Variants in ADAMTS3 observed in about 807,000 individuals in gnomAD.
ADAMTS3 encodes A disintegrin and metalloproteinase with thrombospondin motifs 3.
In ADAMTS3, 73 loss-of-function variants were observed where a neutral mutation model predicts 129.0. That is an observed-to-expected ratio of 0.57 (90% confidence interval 0.47 to 0.69). ADAMTS3 has a LOEUF of 0.69. Among genes scored for constraint, ADAMTS3 ranks in the 30% least tolerant of loss-of-function variants. The pLI is 0.00. For missense variants in ADAMTS3, 1,457 were observed against 1,514.5 expected, an observed-to-expected ratio of 0.96 and a Z score of 0.63; for synonymous variants, 477 against 510.8, an observed-to-expected ratio of 0.93 and a Z score of 0.89.
intron 4 of ADAMTS3, among the ~76,000 whole-genome samples, chr4:72,365,214 G>A (rs1224615824): frequency 6.6e-6 from 1 of 152,160 alleles, no homozygotes; most frequent in African/African-American, 2.4e-5. Context: ...GCAGCTATGT[G>A]GCCATGAAGG....
At chr4:72,345,566 G>T (rs888381711) in intron 4 of ADAMTS3, among the ~76,000 whole-genome samples, 1 of 152,076 alleles carries the variant, frequency 6.6e-6, no homozygotes, top group South Asian at 2.1e-4. Flanking sequence ...CATAATGATA[G>T]TTCAAAGAAC....
chr4:72,366,532 T>C (rs1720873241), intron 4 of ADAMTS3, among the ~76,000 whole-genome samples: 1 of 152,138 alleles, frequency 6.6e-6, no homozygotes, highest in Admixed American at 6.5e-5. Context: ...CTTTTTAGGG[T>C]TCCTTATAGT....
intron 7 of ADAMTS3, 106 bp from the exon 8 acceptor site, chr4:72,320,069 A>G: frequency 2.4e-6 from 2 of 823,540 alleles, no homozygotes; most frequent in Non-Finnish European, 4.0e-6. Flanking sequence ...CTTTCAGGAA[A>G]CAGGGGTAGC....
At chr4:72,418,805 T>C (rs1450832518) in intron 3 of ADAMTS3, among the ~76,000 whole-genome samples, 1 of 152,252 alleles carries the variant, frequency 6.6e-6, no homozygotes, top group African/African-American at 2.4e-5. Context: ...TGCTTCCCAT[T>C]GCACTTAAAA....
At chr4:72,480,783 C>A (rs1007066713) in intron 3 of ADAMTS3, among the ~76,000 whole-genome samples, 17 of 149,976 alleles carry the variant, frequency 1.1e-4, no homozygotes, top group Middle Eastern at 3.2e-3. Context: ...ACCCCTATTT[C>A]CAGATGATAT....
At chr4:72,384,533 C>G (rs969240565) in intron 4 of ADAMTS3, among the ~76,000 whole-genome samples, 8 of 152,012 alleles carry the variant, frequency 5.3e-5, no homozygotes, top group Non-Finnish European at 1.0e-4. Flanking sequence ...CTAAAAGAAA[C>G]CAAAACTTTA....
chr4:72,554,479 C>T (rs1372347032), intron 2 of ADAMTS3, among the ~76,000 whole-genome samples: 1 of 152,168 alleles, frequency 6.6e-6, no homozygotes, highest in Admixed American at 6.5e-5. Flanking sequence ...CTTACTCTCT[C>T]TTCATCCTTA....
intron 2 of ADAMTS3, among the ~76,000 whole-genome samples, chr4:72,551,096 T>C (rs893809648): frequency 6.6e-6 from 1 of 152,118 alleles, no homozygotes; most frequent in African/African-American, 2.4e-5. Context: ...GTCCCAGTAA[T>C]CTCAGTTATA....
At chr4:72,508,092 C>T (rs1720210296) in intron 3 of ADAMTS3, among the ~76,000 whole-genome samples, 1 of 152,164 alleles carries the variant, frequency 6.6e-6, no homozygotes, top group Non-Finnish European at 1.5e-5. Flanking sequence ...TTCAAAACCA[C>T]ATCTCTGAAG....
intron 3 of ADAMTS3, among the ~76,000 whole-genome samples, chr4:72,484,071 C>T (rs1338739075): frequency 2.6e-5 from 4 of 151,992 alleles, no homozygotes; most frequent in African/African-American, 7.2e-5. Context: ...TATTTATTTG[C>T]TCCATTTATT....
intron 4 of ADAMTS3, among the ~76,000 whole-genome samples, chr4:72,358,483 G>A (rs1225815720): frequency 2.0e-5 from 3 of 151,776 alleles, no homozygotes; most frequent in East Asian, 1.9e-4. Flanking sequence ...TTTTACTATC[G>A]TATGAACTAT....
At chr4:72,456,421 A>G (rs138305741) in intron 3 of ADAMTS3, among the ~76,000 whole-genome samples, 1,906 of 135,484 alleles carry the variant, frequency 0.014, 98 homozygotes, top group African/African-American at 0.057. Context: ...GTATATATAT[A>G]ACATATATAT....
At chr4:72,435,824 C>A in intron 3 of ADAMTS3, among the ~76,000 whole-genome samples, 1 of 151,964 alleles carries the variant, frequency 6.6e-6, no homozygotes. Context: ...AAACTGGATC[C>A]TTTCCTTACA....
At chr4:72,350,025 C>T (rs1254323927) in intron 4 of ADAMTS3, among the ~76,000 whole-genome samples, 6 of 151,982 alleles carry the variant, frequency 3.9e-5, no homozygotes, top group Admixed American at 2.6e-4. Flanking sequence ...ACAACGTTTG[C>T]TATCTAATAT....
At chr4:72,318,929 T>C (rs1430272815) in intron 9 of ADAMTS3, among the ~76,000 whole-genome samples, 1 of 152,158 alleles carries the variant, frequency 6.6e-6, no homozygotes, top group Non-Finnish European at 1.5e-5. Flanking sequence ...CTTAGGAATG[T>C]AGTAGAGCCA....
intron 3 of ADAMTS3, among the ~76,000 whole-genome samples, chr4:72,493,753 T>C (rs1719805688): frequency 1.3e-5 from 2 of 151,884 alleles, no homozygotes; most frequent in East Asian, 3.8e-4. Context: ...TAAGCATTTC[T>C]TGTAAAGTAA....
chr4:72,320,299 G>A (rs1412840698), intron 7 of ADAMTS3, among the ~76,000 whole-genome samples: 1 of 152,086 alleles, frequency 6.6e-6, no homozygotes, highest in Non-Finnish European at 1.5e-5. Context: ...TTCCATCAAT[G>A]TTAAAAAGAA....
In ADAMTS3 at chr4:72,313,823, C is replaced by A; in HGVS notation, c.1600-1G>T. ...ACATGCAATGACCCTTATAGCACCA[C>A]TTAGAAAAATGACAAAAGGTAATTA... On this transcript the variant is annotated splice_acceptor_variant, in intron 11 of 21. Transcript: ENST00000286657. LOFTEE classifies it high-confidence loss of function. The A allele has an allele frequency of 6.2e-7, 1 of 1,613,472 alleles. No individual in the cohort carries two copies. Among genetic ancestry groups the A allele is most frequent in the Non-Finnish European group, 8.5e-7 (1 of 1,179,644 alleles).
At chr4:72,497,972 C>A (rs1373637123) in intron 3 of ADAMTS3, among the ~76,000 whole-genome samples, 1 of 152,002 alleles carries the variant, frequency 6.6e-6, no homozygotes, top group African/African-American at 2.4e-5. Flanking sequence ...AAGGCTATGG[C>A]AATTTGTAAA....
Sources: gnomAD v4.1 joint callset for allele counts (sites outside exome capture counted in the v4.1 genomes callset) on GRCh38, gnomAD v4.1.1 for gene constraint, MANE v1.5 for transcripts, NCBI Gene and HGNC (gene_info 2026-07-23, HGNC 2026-07-21) for gene names.